Variants in MYT1L observed in about 807,000 individuals in gnomAD.
MYT1L encodes myelin transcription factor 1 like.
In MYT1L, 12 loss-of-function variants were observed where a neutral mutation model predicts 126.7. That is an observed-to-expected ratio of 0.09 (90% CI 0.06 to 0.15). The LOEUF (loss-of-function observed/expected upper bound fraction) is 0.15, where lower values mean the gene tolerates loss of function less well. MYT1L is among the 10% of genes least tolerant of loss of function. The pLI is 1.00. For synonymous variants in MYT1L, 541 were observed against 604.2 expected, an observed-to-expected ratio of 0.90 and a Z score of 1.53; for missense variants, 979 against 1,585.2, an observed-to-expected ratio of 0.62 and a Z score of 6.49.
intron 2 of MYT1L, among the ~76,000 whole-genome samples, chr2:2,185,047 G>A (rs1340828198): frequency 6.6e-6 from 1 of 152,126 alleles, no homozygotes; most frequent in Non-Finnish European, 1.5e-5. Context: ...CACTGAGACA[G>A]CACAGCTCCT....
rs71276815 is a variant in MYT1L at position 1,934,291 on chromosome 2, C to CATAT, written c.505+8687_505+8690dup. ...CCCCGCCTGATTTTGATTTTTATAACATATATATATATATATACAACCTCA... is the reference window on the plus strand; with the variant it reads ...CCCCGCCTGATTTTGATTTTTATAACATATATATATATATATATATACAACCTCA... On this transcript the variant is annotated intron_variant, in intron 9 of 24. Transcript: ENST00000647738. Among the ~76,000 whole-genome samples, 52 of 123,540 alleles carry CATAT rather than the reference C, an allele frequency of 4.2e-4. 3 individuals carry two copies. Among genetic ancestry groups the CATAT allele is most frequent in the East Asian group, 1.5e-3 (5 of 3,274 alleles). 81.0% of individuals were successfully genotyped at this position (123,540 alleles called of 152,430 possible).
At chr2:2,122,366 G>A (rs1030422646) in intron 3 of MYT1L, among the ~76,000 whole-genome samples, 2 of 152,114 alleles carry the variant, frequency 1.3e-5, no homozygotes, top group African/African-American at 2.4e-5. Flanking sequence ...TGATGGATAC[G>A]AGGTGCTCAG....
intron 20 of MYT1L, 104 bp downstream of exon 20, chr2:1,840,656 G>T: frequency 1.2e-6 from 1 of 833,230 alleles, no homozygotes; most frequent in Non-Finnish European, 1.9e-6. Context: ...TGGCCACTAA[G>T]ACCCGCTGTC....
chr2:2,080,669 GGAAAA>G (rs1359298211), intron 3 of MYT1L, among the ~76,000 whole-genome samples: 4 of 152,082 alleles, frequency 2.6e-5, no homozygotes, highest in East Asian at 1.9e-4. Flanking sequence ...TTGCAAAAAA[GGAAAA>G]GAAAAGAAAA....
chr2:1,944,578 C>G (rs568981439), intron 8 of MYT1L, among the ~76,000 whole-genome samples: 204 of 152,236 alleles, frequency 1.3e-3, no homozygotes, highest in Non-Finnish European at 2.2e-3. Context: ...CACACCTTGA[C>G]TAGCTTGGCT....
intron 10 of MYT1L, among the ~76,000 whole-genome samples, chr2:1,920,257 T>C (rs1409205434): frequency 1.3e-5 from 2 of 152,160 alleles, no homozygotes; most frequent in African/African-American, 2.4e-5. Flanking sequence ...CCCCCATTTA[T>C]ACAGGGGAAG....
chr2:2,189,484 G>C (rs753353698), intron 2 of MYT1L, among the ~76,000 whole-genome samples: 8 of 152,172 alleles, frequency 5.3e-5, no homozygotes, highest in Admixed American at 3.9e-4. Flanking sequence ...TTTGCTAAAT[G>C]TGAAACAATG....
At chr2:1,987,391 T>C (rs2061120463) in intron 5 of MYT1L, among the ~76,000 whole-genome samples, 1 of 102,640 alleles carries the variant, frequency 9.7e-6, no homozygotes, top group Non-Finnish European at 1.8e-5. Flanking sequence ...GCTCTAAATT[T>C]CTCTTGGCCT....
At position 2,302,272 on chromosome 2, in the gene MYT1L, A is replaced by G. The variant is rs377562190; in HGVS notation, c.-520-17769T>C. Among the ~76,000 whole-genome samples the G allele has an allele frequency of 4.6e-5, 7 of 152,386 alleles. No individual in the cohort carries two copies. The South Asian group carries it at 1.2e-3, about 27-fold the overall frequency. Reference sequence around the variant, plus strand: ...TGCTCAACTTCTGGACTAAAATTTTAGTAGATAGATGAGTAATTACCTAAC... The same window carrying G: ...TGCTCAACTTCTGGACTAAAATTTTGGTAGATAGATGAGTAATTACCTAAC... On this transcript the variant is annotated intron_variant, in intron 1 of 24. Coordinates refer to ENST00000647738, the MANE Select transcript of MYT1L (RefSeq NM_001303052.2).
At chr2:1,915,100 A>G (rs1361678108) in intron 11 of MYT1L, among the ~76,000 whole-genome samples, 4 of 152,054 alleles carry the variant, frequency 2.6e-5, no homozygotes, top group Non-Finnish European at 4.4e-5. Context: ...GGGCCAGTAC[A>G]GTGTCTCGGG....
chr2:2,014,196 G>GT (rs542058607), intron 4 of MYT1L, among the ~76,000 whole-genome samples: 5,201 of 136,842 alleles, frequency 0.038, 205 homozygotes, highest in African/African-American at 0.11. Flanking sequence ...CAGGAATCCT[G>GT]TTTTTTTTTT....
rs574857080 is a variant in MYT1L at position 1,887,670 on chromosome 2, A to T, written c.2521-61T>A. 36 of 1,610,160 alleles carry T rather than the reference A, an allele frequency of 2.2e-5. No individual in the cohort carries two copies. Among genetic ancestry groups the T allele is most frequent in the Non-Finnish European group, 2.8e-5 (33 of 1,177,368 alleles). ...GATCACATGGCACACAGACTGAGGG[A>T]GGTGGTTCGTGGCTCTGGGGTGGCC... On this transcript the variant is annotated intron_variant, in intron 16 of 24. Transcript: ENST00000647738. The surrounding 1 kb of genome is among the most constrained non-coding windows in gnomAD (Gnocchi z 4.8).
At chr2:2,239,445 G>C (rs749716026) in intron 2 of MYT1L, among the ~76,000 whole-genome samples, 4 of 152,206 alleles carry the variant, frequency 2.6e-5, no homozygotes, top group Non-Finnish European at 4.4e-5. Context: ...AGGAAAATTA[G>C]TGAAACAAAT....
Position 1,830,806 on chromosome 2 carries a change from C to T in MYT1L, c.3080+8343G>A, listed in dbSNP as rs1346976183. ...AGGGGAACTGTGGAGTGTGCCTTCT[C>T]GCTCTGTCCTCGCCTGCTGGCTGGC... On this transcript the variant is annotated intron_variant, in intron 21 of 24. Coordinates refer to ENST00000647738, the MANE Select transcript of MYT1L (RefSeq NM_001303052.2). 5.1e-5 allele frequency among the ~76,000 whole-genome samples: 6 copies of T among 117,088 alleles called. No individual in the cohort carries two copies. The highest frequency in any genetic ancestry group is 3.6e-4 in the East Asian group (1 of 2,802). The allele number at this position is 117,088 out of a possible 152,430, so 76.8% of individuals were successfully genotyped here. A position where few individuals can be genotyped will look rare whatever the true frequency, so the allele number is the denominator to read the frequency against.
At chr2:2,279,827 A>G (rs2095423455) in intron 2 of MYT1L, among the ~76,000 whole-genome samples, 1 of 152,186 alleles carries the variant, frequency 6.6e-6, no homozygotes, top group Non-Finnish European at 1.5e-5. Context: ...TTCTTTCACT[A>G]GCTTCTTCTA....
intron 8 of MYT1L, among the ~76,000 whole-genome samples, chr2:1,950,996 C>T (rs968154909): frequency 3.3e-5 from 5 of 152,068 alleles, no homozygotes; most frequent in African/African-American, 4.8e-5. Context: ...GGCCTGGTTG[C>T]CAGCTCAGGT....
intron 3 of MYT1L, among the ~76,000 whole-genome samples, chr2:2,115,358 G>A (rs570577132): frequency 5.9e-5 from 9 of 152,236 alleles, no homozygotes; most frequent in African/African-American, 9.6e-5. Context: ...AAATAGATTC[G>A]CTTTTGAATA....
At chr2:2,050,179 A>T (rs1424670563) in intron 4 of MYT1L, among the ~76,000 whole-genome samples, 4 of 152,098 alleles carry the variant, frequency 2.6e-5, no homozygotes, top group African/African-American at 9.7e-5. Context: ...AAAAGAACAA[A>T]TTTTTTGTAG....
chr2:2,268,471 C>T (rs2095188020), intron 2 of MYT1L, among the ~76,000 whole-genome samples: 1 of 151,996 alleles, frequency 6.6e-6, no homozygotes, highest in Non-Finnish European at 1.5e-5. Context: ...CACAAATAGC[C>T]TATGAAAATT....
Sources: gnomAD v4.1 joint callset for allele counts (sites outside exome capture counted in the v4.1 genomes callset) on GRCh38, gnomAD v4.1.1 for gene constraint, Gnocchi (gnomAD v3.1) non-coding constraint, MANE v1.5 for transcripts, NCBI Gene and HGNC (gene_info 2026-07-23, HGNC 2026-07-21) for gene names.